The following FBXO43 variants were observed in gnomAD, a reference collection of about 807,000 sequenced individuals.
FBXO43 encodes F-box only protein 43.
A neutral mutation model predicts 56.7 loss-of-function variants in FBXO43; 22 were observed. That is an observed-to-expected ratio of 0.39 (90% CI 0.28 to 0.55). The LOEUF is 0.55. Ranked by LOEUF, FBXO43 falls within the 20% of genes least tolerant of loss-of-function variation. The pLI, the probability that FBXO43 is intolerant of heterozygous loss-of-function variation, is 0.66. For synonymous variants in FBXO43, 306 were observed against 294.5 expected, an observed-to-expected ratio of 1.04 and a Z score of -0.40; for missense variants, 733 against 814.9, an observed-to-expected ratio of 0.90 and a Z score of 1.22.
intron 2 of FBXO43, among the ~76,000 whole-genome samples, chr8:100,140,258 CAGG>C (rs776708163): frequency 6.1e-4 from 93 of 152,288 alleles, no homozygotes; most frequent in Admixed American, 2.1e-3. Flanking sequence ...ATCTTGAGGT[CAGG>C]AGATCAAGAC....
At position 100,142,075 on chromosome 8, in the gene FBXO43, T is replaced by C. The variant is rs769506621; in HGVS notation, c.179A>G (p.Lys60Arg). Reference protein sequence around the residue: ...GADSPPIVNSKYSTFRDFCST... With the variant: ...GADSPPIVNSRYSTFRDFCST... ...ACAAAAATCTCTGAAGGTGGAGTAC[T>C]TGGAGTTGACAATTGGAGGAGAGTC... Residue 60 changes from lysine to arginine, a missense_variant, in exon 2 of 5, where the codon AAG (lysine) becomes AGG (arginine). Coordinates refer to ENST00000428847, the MANE Select transcript of FBXO43 (RefSeq NM_001029860.4). The C allele has an allele frequency of 1.9e-6, 3 of 1,613,872 alleles. No homozygotes were observed. The Admixed American group carries it at 5.0e-5, about 27-fold the overall frequency.
At chr8:100,134,081 T>C (rs780855336) in intron 4 of FBXO43, 31 bp from the exon 5 acceptor site, 27 of 1,609,040 alleles carry the variant, frequency 1.7e-5, no homozygotes, top group Non-Finnish European at 1.8e-5. Flanking sequence ...CTAAATCTTC[T>C]GGTTTCATAT....
chr8:100,135,450 T>C (rs1009781571), intron 3 of FBXO43, among the ~76,000 whole-genome samples: 1 of 152,186 alleles, frequency 6.6e-6, no homozygotes, highest in Non-Finnish European at 1.5e-5. Context: ...GTATATTTTG[T>C]TAGGATAGTC....
chr8:100,146,815 C>T (rs1395265335), upstream of FBXO43, among the ~76,000 whole-genome samples: 1 of 152,176 alleles, frequency 6.6e-6, no homozygotes, highest in African/African-American at 2.4e-5. Flanking sequence ...GGACATTTCT[C>T]CAACTGGATG....
intron 2 of FBXO43, among the ~76,000 whole-genome samples, chr8:100,139,635 T>C (rs937552961): frequency 3.3e-5 from 5 of 152,188 alleles, no homozygotes; most frequent in Non-Finnish European, 7.3e-5. Context: ...CTCCCCCAAA[T>C]TGGCATGAAC....
At chr8:100,148,264 T>C (rs1202500469), upstream of FBXO43, among the ~76,000 whole-genome samples, 1 of 152,142 alleles carries the variant, frequency 6.6e-6, no homozygotes, top group Non-Finnish European at 1.5e-5. Context: ...TCCTTTATAT[T>C]GTTCAAGGAA....
intron 2 of FBXO43, among the ~76,000 whole-genome samples, chr8:100,139,727 T>G (rs1224804277): frequency 1.3e-5 from 2 of 152,244 alleles, no homozygotes; most frequent in African/African-American, 4.8e-5. Context: ...GTAGCAGCAT[T>G]CAATCTACTG....
chr8:100,136,334 C>T (rs1470010847), intron 3 of FBXO43, among the ~76,000 whole-genome samples: 1 of 152,194 alleles, frequency 6.6e-6, no homozygotes, highest in African/African-American at 2.4e-5. Context: ...TTATGCCATG[C>T]TTTATTCCAA....
chr8:100,149,303 C>T (rs376608633), upstream of FBXO43, among the ~76,000 whole-genome samples: 1 of 152,268 alleles, frequency 6.6e-6, no homozygotes, highest in East Asian at 1.9e-4. Context: ...TTGTTCTGCA[C>T]GAGAATTATC....
rs1474275952 is a variant in FBXO43, at chr8:100,140,815, C to T, written c.1439G>A (p.Cys480Tyr). The part of the protein sequence containing the change: ...GDGEKIAVLQ[C>Y]ILAGLIGKKM... Reference sequence around the variant, plus strand: ...CTTGCCGATCAGTCCTGCAAGTATACACTGCAGTACAGCTATTTTCTCCCC... The same window carrying T: ...CTTGCCGATCAGTCCTGCAAGTATATACTGCAGTACAGCTATTTTCTCCCC... The change falls in exon 2 of 5, where the codon TGT (cysteine) becomes TAT (tyrosine). Residue 480 changes from cysteine (C) to tyrosine (Y), a missense_variant. Physicochemically the swap from Cys to Tyr is radical, Grantham distance 194 (BLOSUM62 -2). Transcript: ENST00000428847. The T allele has an allele frequency of 5.0e-6, 8 of 1,614,186 alleles. No individual in the cohort carries two copies. The highest frequency in any genetic ancestry group is 6.8e-6 in the Non-Finnish European group (8 of 1,179,992).
At position 100,145,120 on chromosome 8, in the gene FBXO43, T is replaced by C; in HGVS notation, c.16A>G (p.Lys6Glu). The change falls in exon 1 of 5, where the codon AAA becomes GAA. Residue 6 changes from lysine to glutamate, a missense_variant. Transcript: ENST00000428847. MSFKD[K>E]DERISCLEAY... The stretch of plus-strand genomic sequence containing the variant: ...TCCAAACAAGAAATTCTCTCATCTT[T>C]GTCTTTAAAACTCATGCCAAAATAA... 5 of 1,611,186 alleles carry C rather than the reference T, an allele frequency of 3.1e-6. No individual in the cohort carries two copies. The highest frequency in any genetic ancestry group is 4.2e-6 in the Non-Finnish European group (5 of 1,178,896).
In FBXO43 at chr8:100,142,102, G is replaced by A. The variant is rs544269151; in HGVS notation, c.152C>T (p.Ala51Val). Residue 51 changes from alanine (A) to valine (V), a missense_variant, in exon 2 of 5, where the codon GCG becomes GTG. Coordinates refer to ENST00000428847, the MANE Select transcript of FBXO43 (RefSeq NM_001029860.4). ...GGAGTTGACAATTGGAGGAGAGTCC[G>A]CCCCATTTCCTGCTTCAGTGCCAGC... ...GQAGTEAGNG[A>V]DSPPIVNSKY... 1.7e-5 allele frequency: 27 copies of A among 1,609,644 alleles called. 1 individual carries two copies. Among genetic ancestry groups the A allele is most frequent in the South Asian group, 5.6e-5 (5 of 89,764 alleles).
Position 100,140,993 on chromosome 8 carries a change from G to A in FBXO43, c.1261C>T (p.Gln421Ter). ...TCCCCACTCTCATCACTACTCAGCT[G>A]ACCCTCTGAGATGGCAGAAGCAGCT... The part of the protein sequence containing the change: ...AAAASAISEG[Q>*]LSSDESGDLT... Residue 421 changes from glutamine (Q) to a stop codon, truncating the protein, a stop_gained, in exon 2 of 5, where the codon CAG (glutamine) becomes TAG (stop). Coordinates refer to ENST00000428847, the MANE Select transcript of FBXO43 (RefSeq NM_001029860.4). LOFTEE classifies it high-confidence loss of function. 3 of 1,614,226 alleles carry A rather than the reference G, an allele frequency of 1.9e-6. No individual in the cohort carries two copies. The highest frequency in any genetic ancestry group is 8.5e-7 in the Non-Finnish European group (1 of 1,180,046).
At chr8:100,138,578 G>A (rs1039255748) in intron 2 of FBXO43, among the ~76,000 whole-genome samples, 2 of 152,194 alleles carry the variant, frequency 1.3e-5, no homozygotes, top group Non-Finnish European at 2.9e-5. Context: ...GAACAGTACT[G>A]CCAACATAGT....
chr8:100,138,059 T>A (rs1814526881), intron 2 of FBXO43, among the ~76,000 whole-genome samples: 1 of 152,194 alleles, frequency 6.6e-6, no homozygotes, highest in Non-Finnish European at 1.5e-5. Flanking sequence ...GTTTAACAAA[T>A]CTCTGTCATT....
Position 100,137,610 on chromosome 8 carries a change from A to G in FBXO43, c.1629T>C (p.Asn543=), listed in dbSNP as rs1364119343. 1.9e-6 allele frequency: 3 copies of G among 1,612,948 alleles called. No individual in the cohort carries two copies. The Admixed American group carries it at 5.0e-5, about 27-fold the overall frequency. Reference sequence around the variant, plus strand: ...GTGTGATATAAAATTTCCTCCTCCGATTTGCATTTTTATCTTGAACAACAA... The same window carrying G: ...GTGTGATATAAAATTTCCTCCTCCGGTTTGCATTTTTATCTTGAACAACAA... ...REIVVQDKNA[N]RRRKFYITQL... Residue 543 remains asparagine (N), a synonymous_variant, in exon 3 of 5, where the codon AAT becomes AAC. Coordinates refer to ENST00000428847, the MANE Select transcript of FBXO43 (RefSeq NM_001029860.4).
chr8:100,134,983 T>C (rs1814426102), intron 3 of FBXO43, among the ~76,000 whole-genome samples: 1 of 152,052 alleles, frequency 6.6e-6, no homozygotes, highest in Non-Finnish European at 1.5e-5. Context: ...TTCTGGTGGA[T>C]AATGGGAGAT....
Position 100,133,767 on chromosome 8 carries a change from G to A in FBXO43, c.*35C>T. 1 of 1,567,808 alleles carries A rather than the reference G, an allele frequency of 6.4e-7. No individual in the cohort carries two copies. The highest frequency in any genetic ancestry group is 8.6e-7 in the Non-Finnish European group (1 of 1,159,056). On this transcript the variant is annotated 3_prime_UTR_variant, in exon 5 of 5. Coordinates refer to ENST00000428847, the MANE Select transcript of FBXO43 (RefSeq NM_001029860.4). ...TTCATAATTTTAAGTCAGATAAATA[G>A]AACACTGCATGGGGGAGTTCTATAT... is the stretch of plus-strand genomic sequence containing the variant.
chr8:100,139,433 A>C (rs1814571471), intron 2 of FBXO43, among the ~76,000 whole-genome samples: 1 of 152,150 alleles, frequency 6.6e-6, no homozygotes, highest in Admixed American at 6.5e-5. Flanking sequence ...TCTCTACAAA[A>C]ACTAAAAACA....
Sources: allele counts gnomAD v4.1 joint callset (sites outside exome capture counted in the v4.1 genomes callset), GRCh38; gene constraint gnomAD v4.1.1; transcripts MANE v1.5; gene names NCBI Gene and HGNC (gene_info 2026-07-23, HGNC 2026-07-21).